F12: variants seen among roughly 807,000 people sequenced by gnomAD.
F12 encodes the protein Hageman factor.
Under a neutral mutation model 74.8 loss-of-function variants are expected in F12, and 70 were observed. That is an observed-to-expected ratio of 0.94 (90% CI 0.77 to 1.14). F12 has a LOEUF of 1.14. Ranked by LOEUF, F12 falls within the 50% of genes most tolerant of loss-of-function variation. F12 has a pLI of 0.00. For synonymous variants in F12, 373 were observed against 356.4 expected (o/e 1.05, Z -0.52); for missense variants, 811 against 835.7 (o/e 0.97, Z 0.36).
chr5:177,408,968 A>G (rs1439910469), intron 2 of F12, 78 bp downstream of exon 2: 2 of 1,396,124 alleles, frequency 1.4e-6, no homozygotes, highest in Non-Finnish European at 2.0e-6. Flanking sequence ...ACTAGACTAG[A>G]CTGCCCTGAG....
chr5:177,408,031 C>T lies in F12; in HGVS notation c.115+1015G>A, dbSNP rs534484241. Among the ~76,000 whole-genome samples the T allele has an allele frequency of 7.2e-5, 11 of 152,044 alleles. No homozygotes were observed. In the South Asian group the frequency reaches 1.7e-3, roughly 23 times the overall value. On this transcript the variant is annotated intron_variant, in intron 2 of 13. Transcript: ENST00000253496. ...GGTAAGGTCCATCTGGTTCACAGGCCCTGCTATGTGCCACACTCTAGGTAA... is the reference window on the plus strand; with the variant it reads ...GGTAAGGTCCATCTGGTTCACAGGCTCTGCTATGTGCCACACTCTAGGTAA...
chr5:177,404,217 G>A lies in F12; in HGVS notation c.997C>T (p.Pro333Ser), dbSNP rs759010119. ...TAACCTCCCGGGGTCTGGGACTGAG[G>A]CGGGGTCCGGGTCGTGGGCTGAGGC... ...PKPQPTTRTP[P>S]QSQTPGALPA... The change falls in exon 9 of 14, where the codon CCT becomes TCT. Residue 333 changes from proline to serine, a missense_variant. By Grantham distance (74) the Pro-to-Ser change is moderately conservative. Coordinates refer to ENST00000253496, the MANE Select transcript of F12 (RefSeq NM_000505.4). The A allele has an allele frequency of 4.4e-6, 7 of 1,603,364 alleles. No homozygotes were observed. The highest frequency in any genetic ancestry group is 4.5e-5 in the East Asian group (2 of 44,576).
Position 177,405,430 on chromosome 5 carries a change from T to C in F12, c.290A>G (p.His97Arg). Residue 97 changes from histidine to arginine, a missense_variant, in exon 5 of 14, where the codon CAC (histidine) becomes CGC (arginine). By Grantham distance (29) the His-to-Arg change is conservative. Coordinates refer to ENST00000253496, the MANE Select transcript of F12 (RefSeq NM_000505.4). ...YCLEPKKVKD[H>R]CSKHSPCQKG... is the part of the protein sequence containing the mutation. Reference sequence around the variant, plus strand: ...CTGGCAGGGGCTGTGTTTGCTGCAGTGGTCTGAGAGATGGACATGGTGGAA... The same window carrying C: ...CTGGCAGGGGCTGTGTTTGCTGCAGCGGTCTGAGAGATGGACATGGTGGAA... 6.2e-7 allele frequency: 1 copy of C among 1,613,020 alleles called. No homozygotes were observed. The highest frequency in any genetic ancestry group is 8.5e-7 in the Non-Finnish European group (1 of 1,179,552).
Position 177,405,061 on chromosome 5 carries a change from G to A in F12, c.522C>T (p.Ala174=). 1 of 1,612,512 alleles carries A rather than the reference G, an allele frequency of 6.2e-7. No individual in the cohort carries two copies. Among genetic ancestry groups the A allele is most frequent in the Non-Finnish European group, 8.5e-7 (1 of 1,179,972 alleles). ...TCCCAACCATCTGCTCACCCTGGCT[G>A]GCCAGCCGCTGGCAGTGGGCATCAG... is the stretch of plus-strand genomic sequence containing the variant. ...KGPDAHCQRL[A]SQACRTNPCL... is the part of the protein sequence containing the mutation. Residue 174 remains alanine (A), a synonymous_variant, in exon 6 of 14, where the codon GCC becomes GCT. Transcript: ENST00000253496.
At position 177,403,327 on chromosome 5, in the gene F12, GCA is replaced by G. The variant is rs1161318105; in HGVS notation, c.1456_1457del (p.Cys486ProfsTer76). On this transcript the variant is annotated frameshift_variant, in exon 12 of 14. Coordinates refer to ENST00000253496, the MANE Select transcript of F12 (RefSeq NM_000505.4). LOFTEE classifies it high-confidence loss of function. Reference protein sequence around the residue: ...ALLSPYVQPVCLPSGAARPSE... With the variant: ...ALLSPYVQPVXLPSGAARPSE... ...AGGGTCGCGCGGCGCCGCTTGGCAG[GCA>G]CACCGGCTGAACGTAAGGCGACAGG... 1 of 1,599,308 alleles carries G rather than the reference GCA, an allele frequency of 6.3e-7. No individual in the cohort carries two copies. Among genetic ancestry groups the G allele is most frequent in the East Asian group, 2.2e-5 (1 of 44,878 alleles).
In F12 at chr5:177,409,494, C is replaced by T; in HGVS notation, c.34G>A (p.Val12Met). 1 of 1,614,114 alleles carries T rather than the reference C, an allele frequency of 6.2e-7. No homozygotes were observed. The highest frequency in any genetic ancestry group is 8.5e-7 in the Non-Finnish European group (1 of 1,180,024). The change falls in exon 1 of 14, where the codon GTG becomes ATG. Residue 12 changes from valine (V) to methionine (M), a missense_variant. Transcript: ENST00000253496. ...RALLLLGFLL[V>M]SLESTLSIPP... is the part of the protein sequence containing the mutation. The stretch of plus-strand genomic sequence containing the variant: ...ACCGAAAGTGTTGACTCCAAGCTCA[C>T]CAGCAGGAACCCCAGGAGCAGCAGA...
Position 177,403,898 on chromosome 5 carries a change from G to A in F12, c.1211C>T (p.Pro404Leu). 1 of 1,580,598 alleles carries A rather than the reference G, an allele frequency of 6.3e-7. No individual in the cohort carries two copies. The change falls in exon 10 of 14, where the codon CCC becomes CTC. Residue 404 changes from proline (P) to leucine (L), a missense_variant. Transcript: ENST00000253496. ...HSFCAGSLIA[P>L]CWVLTAAHCL... Reference sequence around the variant, plus strand: ...GTGAGCGGCCGTCAGCACCCAGCAGGGGGCGATGAGGCTGCCGGCGCAGAA... The same window carrying A: ...GTGAGCGGCCGTCAGCACCCAGCAGAGGGCGATGAGGCTGCCGGCGCAGAA...
At position 177,404,499 on chromosome 5, in the gene F12, C is replaced by T. The variant is rs758667137; in HGVS notation, c.800G>A (p.Arg267Gln). 189 of 1,590,606 alleles carry T rather than the reference C, an allele frequency of 1.2e-4. No individual in the cohort carries two copies. The highest frequency in any genetic ancestry group is 1.5e-4 in the Non-Finnish European group (175 of 1,169,016). Reference sequence around the variant, plus strand: ...GGTCACCCAGCCCCACGCGGCGCACCGGCAGAAGGCGTGGCCGCCCAGTCC... The same window carrying T: ...GGTCACCCAGCCCCACGCGGCGCACTGGCAGAAGGCGTGGCCGCCCAGTCC... The part of the protein sequence containing the change: ...NWGLGGHAFC[R>Q]NPDNDIRPWC... The change falls in exon 8 of 14, where the codon CGG (arginine) becomes CAG (glutamine). Residue 267 changes from arginine to glutamine, a missense_variant and splice_region_variant. Transcript: ENST00000253496.
Position 177,404,841 on chromosome 5 carries a change from C to G in F12, c.603G>C (p.Pro201=). 6.2e-7 allele frequency: 1 copy of G among 1,609,444 alleles called. No homozygotes were observed. The highest frequency in any genetic ancestry group is 8.5e-7 in the Non-Finnish European group (1 of 1,178,832). ...CGCAGAAGGCTCCGGTGTAGCCCAC[C>G]GGGCAGTGGCACAGGCGGTGGCCCT... ...EVEGHRLCHC[P]VGYTGAFCDV... Residue 201 remains proline (P), a synonymous_variant, in exon 7 of 14, where the codon CCG becomes CCC. Transcript: ENST00000253496.
rs553139084 is a variant in F12, at chr5:177,405,635, C to G, written c.286+100G>C. The G allele has an allele frequency of 1.6e-4, 215 of 1,318,770 alleles. 1 individual carries two copies. In the South Asian group the frequency reaches 2.4e-3, roughly 15 times the overall value. 81.7% of individuals were successfully genotyped at this position (1,318,770 alleles called of 1,614,324 possible). A position where few individuals can be genotyped will look rare whatever the true frequency, so the allele number is the denominator to read the frequency against. The stretch of plus-strand genomic sequence containing the variant: ...GGGTATTGTGGAGGGAGAGAAGGGG[C>G]TGGGTCCAGAATCCCAGGTGTGTGG... On this transcript the variant is annotated intron_variant, in intron 4 of 13. Coordinates refer to ENST00000253496, the MANE Select transcript of F12 (RefSeq NM_000505.4).
Position 177,402,401 on chromosome 5 carries a change from A to C in F12, c.1739T>G (p.Leu580Arg). 6.2e-7 allele frequency: 1 copy of C among 1,613,286 alleles called. No individual in the cohort carries two copies. Among genetic ancestry groups the C allele is most frequent in the Non-Finnish European group, 8.5e-7 (1 of 1,179,794 alleles). ...EDQAAERRLT[L>R]QGIISWGSGC... ...CGATCCCCAGCTGATGATGCCTTGC[A>C]GGGTGAGCCGGCGCTCTGCAGCTTG... The change falls in exon 14 of 14, where the codon CTG becomes CGG. Residue 580 changes from leucine (L) to arginine (R), a missense_variant. Coordinates refer to ENST00000253496, the MANE Select transcript of F12 (RefSeq NM_000505.4).
chr5:177,403,167 A>C, intron 12 of F12, 87 bp downstream of exon 12: 1 of 1,569,114 alleles, frequency 6.4e-7, no homozygotes, highest in Non-Finnish European at 8.7e-7. Context: ...AGGCACCCGG[A>C]ACGATACCAA....
At position 177,402,403 on chromosome 5, in the gene F12, G is replaced by T; in HGVS notation, c.1737C>A (p.Thr579=). Residue 579 remains threonine, a synonymous_variant, in exon 14 of 14, where the codon ACC becomes ACA. Transcript: ENST00000253496. ...ATCCCCAGCTGATGATGCCTTGCAG[G>T]GTGAGCCGGCGCTCTGCAGCTTGGT... ...CEDQAAERRL[T]LQGIISWGSG... is the part of the protein sequence containing the mutation. 6.2e-7 allele frequency: 1 copy of T among 1,613,210 alleles called. No homozygotes were observed. Among genetic ancestry groups the T allele is most frequent in the Non-Finnish European group, 8.5e-7 (1 of 1,179,776 alleles).
rs762403049 is a variant in F12 at position 177,402,656 on chromosome 5, G to T, written c.1574C>A (p.Pro525Gln). 2 of 1,612,772 alleles carry T rather than the reference G, an allele frequency of 1.2e-6. No homozygotes were observed. Among genetic ancestry groups the T allele is most frequent in the East Asian group, 2.2e-5 (1 of 44,882 alleles). Residue 525 changes from proline to glutamine, a missense_variant, in exon 13 of 14, where the codon CCG (proline) becomes CAG (glutamine). By Grantham distance (76) the Pro-to-Gln change is moderately conservative. Transcript: ENST00000253496. ...YASFLQEAQV[P>Q]FLSLERCSAP... ...TGAGCAGCGCTCCAGGGAGAGGAAC[G>T]GTACCTGCGCCTCCTGCAGGAAGCT...
intron 2 of F12, among the ~76,000 whole-genome samples, chr5:177,407,174 A>G (rs1763313454): frequency 6.6e-6 from 1 of 152,202 alleles, no homozygotes; most frequent in South Asian, 2.1e-4. Flanking sequence ...CATACATAAA[A>G]CCAGATTATA....
chr5:177,403,722 C>T, intron 10 of F12, 105 bp from the exon 11 acceptor site: 3 of 1,511,694 alleles, frequency 2.0e-6, no homozygotes, highest in South Asian at 2.4e-5. Flanking sequence ...GCTTCCTCCC[C>T]GGGAGCTCCG....
chr5:177,404,502 C>G lies in F12; in HGVS notation c.797G>C (p.Cys266Ser). 1 of 1,591,836 alleles carries G rather than the reference C, an allele frequency of 6.3e-7. No homozygotes were observed. Among genetic ancestry groups the G allele is most frequent in the South Asian group, 1.1e-5 (1 of 89,000 alleles). ...CACCCAGCCCCACGCGGCGCACCGG[C>G]AGAAGGCGTGGCCGCCCAGTCCCCA... ...RNWGLGGHAF[C>S]RNPDNDIRPW... is the part of the protein sequence containing the mutation. The change falls in exon 8 of 14, where the codon TGC becomes TCC. Residue 266 changes from cysteine (C) to serine (S), a missense_variant. By Grantham distance (112) the Cys-to-Ser change is moderately radical. Coordinates refer to ENST00000253496, the MANE Select transcript of F12 (RefSeq NM_000505.4).
Position 177,402,607 on chromosome 5 carries a change from G to A in F12, c.1623C>T (p.Ser541=), listed in dbSNP as rs781017500. 3.1e-6 allele frequency: 5 copies of A among 1,613,094 alleles called. No homozygotes were observed. The highest frequency in any genetic ancestry group is 1.3e-5 in the African/African-American group (1 of 74,940). The part of the protein sequence containing the change: ...RCSAPDVHGS[S]ILPGMLCAGF... ...CTGCGCAGAGCATGCCGGGGAGGAT[G>A]GAGGATCCGTGCACGTCCGGGGCTG... The change falls in exon 13 of 14, where the codon TCC becomes TCT. Residue 541 remains serine, a synonymous_variant. Coordinates refer to ENST00000253496, the MANE Select transcript of F12 (RefSeq NM_000505.4).
In F12 at chr5:177,402,192, C is replaced by T; in HGVS notation, c.*100G>A. 1 of 1,478,686 alleles carries T rather than the reference C, an allele frequency of 6.8e-7. No individual in the cohort carries two copies. Among genetic ancestry groups the T allele is most frequent in the Non-Finnish European group, 9.3e-7 (1 of 1,079,536 alleles). 91.6% of individuals were successfully genotyped at this position (1,478,686 alleles called of 1,614,324 possible). On this transcript the variant is annotated 3_prime_UTR_variant, in exon 14 of 14. Coordinates refer to ENST00000253496, the MANE Select transcript of F12 (RefSeq NM_000505.4). ...GTTCCTGCGCCATCCTGGCGCGGAG[C>T]TGGCCGCACTGGGGGAATGGGACAC...
Sources: gnomAD v4.1 joint callset for allele counts (sites outside exome capture counted in the v4.1 genomes callset) on GRCh38, gnomAD v4.1.1 for gene constraint, MANE v1.5 for transcripts, NCBI Gene and HGNC (gene_info 2026-07-23, HGNC 2026-07-21) for gene names.